Variants in GRID2 observed in about 807,000 individuals in gnomAD.
GRID2 encodes the protein glutamate receptor ionotropic, delta-2.
A neutral mutation model predicts 114.8 loss-of-function variants in GRID2; 33 were observed. The ratio of observed to expected loss-of-function variants is 0.29; its 90% CI spans 0.22 to 0.38. The LOEUF is 0.38. Among genes scored for constraint, GRID2 ranks in the 10% least tolerant of loss-of-function variants. The pLI is 1.00. For missense variants in GRID2, 1,184 were observed against 1,257.7 expected, an observed-to-expected ratio of 0.94 and a Z score of 0.89; for synonymous variants, 505 against 449.9, an observed-to-expected ratio of 1.12 and a Z score of -1.55.
intron 2 of GRID2, among the ~76,000 whole-genome samples, chr4:92,827,616 C>T (rs562944550): frequency 7.6e-4 from 116 of 152,056 alleles, no homozygotes; most frequent in African/African-American, 2.5e-3. Context: ...CCAGCCAAGA[C>T]ACCAATATTT....
chr4:93,715,698 G>A (rs943450135), intron 14 of GRID2, among the ~76,000 whole-genome samples: 1 of 152,134 alleles, frequency 6.6e-6, no homozygotes, highest in Admixed American at 6.6e-5. Context: ...TGGCAGTTGT[G>A]AATGGGAGTT....
chr4:93,283,335 T>G (rs1466184709), intron 8 of GRID2, among the ~76,000 whole-genome samples: 3 of 152,030 alleles, frequency 2.0e-5, no homozygotes, highest in Non-Finnish European at 4.4e-5. Context: ...AAAATACAAA[T>G]GAAACTTGTT....
chr4:92,722,532 A>C (rs1735859069), intron 2 of GRID2, among the ~76,000 whole-genome samples: 1 of 152,150 alleles, frequency 6.6e-6, no homozygotes, highest in African/African-American at 2.4e-5. Flanking sequence ...TAATTAAAGA[A>C]ACATGACAAG....
intron 2 of GRID2, among the ~76,000 whole-genome samples, chr4:92,841,280 A>T (rs1377114470): frequency 6.6e-6 from 1 of 152,100 alleles, no homozygotes; most frequent in African/African-American, 2.4e-5. Flanking sequence ...AAACATTTAA[A>T]TTGTTTAAAT....
chr4:93,142,600 A>G (rs1345635111), intron 4 of GRID2, among the ~76,000 whole-genome samples: 1 of 152,236 alleles, frequency 6.6e-6, no homozygotes, highest in Non-Finnish European at 1.5e-5. Context: ...TGGAGATGAC[A>G]CAAACCCTCA....
exon 2 of GRID2, chr4:93,807,909 C>A (rs1472441887): frequency 1.3e-5 from 2 of 152,054 alleles, no homozygotes; most frequent in African/African-American, 4.8e-5. Context: ...GATTAAACAG[C>A]ATGAAGAGTG....
intron 1 of GRID2, among the ~76,000 whole-genome samples, chr4:92,315,992 G>GCAAAAAAAAAAAAAAAAAAAAAAAAAAAA (rs1579166924): frequency 1.3e-4 from 4 of 31,344 alleles, no homozygotes; most frequent in Non-Finnish European, 2.2e-4. Context: ...AAAACAAAAA[G>GCAAAAAAAAAAAAAAAAAAAAAAAAAAAA]CAAAAAAAAA....
At chr4:93,136,652 T>C (rs578158464) in intron 4 of GRID2, among the ~76,000 whole-genome samples, 20 of 152,170 alleles carry the variant, frequency 1.3e-4, no homozygotes, top group Admixed American at 3.9e-4. Context: ...ATCCATTATA[T>C]ATGTAGGAGA....
chr4:92,690,437 A>G (rs754563133), intron 2 of GRID2, among the ~76,000 whole-genome samples: 45 of 152,182 alleles, frequency 3.0e-4, no homozygotes, highest in Admixed American at 1.2e-3. Flanking sequence ...AAACAATTAC[A>G]GTAGTAACAT....
At chr4:93,528,625 G>T (rs1039610430) in intron 13 of GRID2, among the ~76,000 whole-genome samples, 5 of 152,038 alleles carry the variant, frequency 3.3e-5, no homozygotes, top group Non-Finnish European at 5.9e-5. Context: ...ATCATATAAA[G>T]CTCAGCATTC....
chr4:93,783,699 A>C (rs553627212), intron 1 of GRID2, among the ~76,000 whole-genome samples: 1 of 152,244 alleles, frequency 6.6e-6, no homozygotes, highest in Admixed American at 6.5e-5. Flanking sequence ...TGTATTCTTT[A>C]TTTATGCTAA....
chr4:93,164,986 T>C (rs1055619358), intron 4 of GRID2, among the ~76,000 whole-genome samples: 1 of 152,072 alleles, frequency 6.6e-6, no homozygotes, highest in African/African-American at 2.4e-5. Flanking sequence ...TTCATATCCT[T>C]GCTTAGCAGG....
At chr4:93,335,762 A>G (rs1759013209) in intron 8 of GRID2, among the ~76,000 whole-genome samples, 2 of 148,446 alleles carry the variant, frequency 1.3e-5, no homozygotes, top group African/African-American at 5.2e-5. Context: ...GTGGCATGAC[A>G]ATCAGGGCTC....
At chr4:92,372,981 AC>A (rs1729188068) in intron 1 of GRID2, among the ~76,000 whole-genome samples, 1 of 152,136 alleles carries the variant, frequency 6.6e-6, no homozygotes, top group South Asian at 2.1e-4. Context: ...CTTTATTCAA[AC>A]AAGTTGGTTT....
chr4:93,524,966 C>CT (rs916180904), intron 13 of GRID2, among the ~76,000 whole-genome samples: 3 of 151,318 alleles, frequency 2.0e-5, no homozygotes, highest in African/African-American at 7.3e-5. Flanking sequence ...TTTAAAATTG[C>CT]TTTTTTCCAC....
At chr4:92,970,437 C>T (rs1381813793) in intron 2 of GRID2, among the ~76,000 whole-genome samples, 2 of 151,798 alleles carry the variant, frequency 1.3e-5, no homozygotes, top group Admixed American at 6.6e-5. Flanking sequence ...ATTACTTTTG[C>T]GTCAACCTAA....
At chr4:92,317,358 CA>C (rs1365399662) in intron 1 of GRID2, among the ~76,000 whole-genome samples, 1 of 152,102 alleles carries the variant, frequency 6.6e-6, no homozygotes, top group Non-Finnish European at 1.5e-5. Context: ...ATTAGGAAAA[CA>C]TATTTATATA....
chr4:92,525,360 G>A (rs1028864543), intron 1 of GRID2, among the ~76,000 whole-genome samples: 6 of 152,026 alleles, frequency 3.9e-5, no homozygotes, highest in Non-Finnish European at 7.4e-5. Context: ...AGTGGAGGCA[G>A]TCAAGCATTT....
intron 2 of GRID2, among the ~76,000 whole-genome samples, chr4:92,959,921 G>A (rs1267030019): frequency 6.6e-6 from 1 of 151,790 alleles, no homozygotes; most frequent in East Asian, 1.9e-4. Flanking sequence ...GGGTTGATGA[G>A]TGCATCAAAC....
Sources: gnomAD v4.1 joint callset for allele counts (sites outside exome capture counted in the v4.1 genomes callset) on GRCh38, gnomAD v4.1.1 for gene constraint, MANE v1.5 for transcripts, NCBI Gene and HGNC (gene_info 2026-07-23, HGNC 2026-07-21) for gene names.